Variants in MYO5A observed in about 807,000 individuals in gnomAD.
MYO5A encodes the protein myosin VA.
In MYO5A, 98 loss-of-function variants were observed where a neutral mutation model predicts 249.7. The ratio of observed to expected loss-of-function variants is 0.39; its 90% CI spans 0.33 to 0.46. The LOEUF (loss-of-function observed/expected upper bound fraction) is 0.46. MYO5A is among the 20% of genes least tolerant of loss of function. The probability of loss-of-function intolerance (pLI) is 0.98; values close to 1 mark genes in which losing one functional copy is unlikely to be tolerated. For synonymous variants in MYO5A, 778 were observed against 810.6 expected, an observed-to-expected ratio of 0.96 and a Z score of 0.68; for missense variants, 1,696 against 2,308.8, an observed-to-expected ratio of 0.73 and a Z score of 5.44.
intron 39 of MYO5A, among the ~76,000 whole-genome samples, chr15:52,317,686 A>T (rs1244276441): frequency 6.6e-6 from 1 of 152,188 alleles, no homozygotes; most frequent in Non-Finnish European, 1.5e-5. Flanking sequence ...CCCCACATAT[A>T]CCTGTGCTGA....
rs140656591 is a variant in MYO5A at position 52,414,771 on chromosome 15, C to G, written c.612+1374G>C. On this transcript the variant is annotated intron_variant, in intron 5 of 41. Transcript: ENST00000399233. ...TTGTTTTCTGACCCCAAACCAAAAA[C>G]TGGCTCCACAGATTCTATTTCCCCA... 6.0e-3 allele frequency among the ~76,000 whole-genome samples: 916 copies of G among 152,292 alleles called. 14 individuals carry two copies. The highest frequency in any genetic ancestry group is 0.021 in the African/African-American group (879 of 41,558).
At chr15:52,405,208 C>T in intron 9 of MYO5A, 79 bp downstream of exon 9, 1 of 1,019,034 alleles carries the variant, frequency 9.8e-7, no homozygotes, top group East Asian at 2.5e-5. Context: ...GAGACTTAAA[C>T]TATATTGCTT....
Position 52,324,943 on chromosome 15 carries a change from T to C in MYO5A, c.4711-1499A>G, listed in dbSNP as rs79882642. On this transcript the variant is annotated intron_variant, in intron 36 of 41. Transcript: ENST00000399233. ...TAAATATCTGAAAGACCTAGGTATA[T>C]AGTCTTCCAATGTAGGAGGATTGTG... 5.1e-3 allele frequency among the ~76,000 whole-genome samples: 779 copies of C among 152,324 alleles called. 9 individuals are homozygous for C. The highest frequency in any genetic ancestry group is 4.8e-3 in the Non-Finnish European group (328 of 68,022).
intron 1 of MYO5A, among the ~76,000 whole-genome samples, chr15:52,478,758 G>C (rs558248022): frequency 8.5e-5 from 13 of 152,174 alleles, no homozygotes; most frequent in Non-Finnish European, 1.6e-4. Context: ...ATGTACTGGA[G>C]AGACAAACTG....
Position 52,317,151 on chromosome 15 carries a change from A to T in MYO5A, c.5306T>A (p.Leu1769Gln). The T allele has an allele frequency of 6.2e-7, 1 of 1,614,124 alleles. No homozygotes were observed. The highest frequency in any genetic ancestry group is 8.5e-7 in the Non-Finnish European group (1 of 1,179,964). Residue 1769 changes from leucine to glutamine, a missense_variant, in exon 40 of 42, where the codon CTG becomes CAG. By Grantham distance (113) the Leu-to-Gln change is moderately radical. This residue lies in a region of MYO5A where 625 missense variants were observed against 908.1 expected (regional missense o/e 0.69). Transcript: ENST00000399233. ...TTGAGCAGCCTGAATGAGAGGTTCC[A>T]GGGTTTCTTTAGCCCCACTATTCAT... ...NLMNSGAKET[L>Q]EPLIQAAQLL...
chr15:52,396,939 C>A (rs1395861353), intron 10 of MYO5A, among the ~76,000 whole-genome samples: 2 of 152,120 alleles, frequency 1.3e-5, no homozygotes, highest in East Asian at 3.8e-4. Context: ...TGATAATTTA[C>A]CACATGAGCA....
chr15:52,371,062 G>A (rs181368591), intron 21 of MYO5A, among the ~76,000 whole-genome samples: 1 of 151,830 alleles, frequency 6.6e-6, no homozygotes, highest in Non-Finnish European at 1.5e-5. Context: ...GTAGTGAGCC[G>A]TGATTGCACT....
intron 34 of MYO5A, among the ~76,000 whole-genome samples, chr15:52,333,326 A>G (rs777753659): frequency 1.3e-4 from 20 of 152,216 alleles, no homozygotes; most frequent in Non-Finnish European, 2.9e-4. Flanking sequence ...AGAAAATTGG[A>G]AAGTTTTAAA....
intron 2 of MYO5A, among the ~76,000 whole-genome samples, chr15:52,429,853 C>A (rs2075487519): frequency 1.3e-5 from 2 of 152,196 alleles, no homozygotes; most frequent in South Asian, 4.1e-4. Context: ...GATCCTCCTG[C>A]ATTGGCCTCC....
intron 28 of MYO5A, among the ~76,000 whole-genome samples, chr15:52,350,810 C>T (rs957375814): frequency 1.3e-5 from 2 of 152,218 alleles, no homozygotes; most frequent in Admixed American, 6.5e-5. Context: ...CAGAAATCAT[C>T]TCCATGTAAC....
At chr15:52,447,914 G>A (rs67399033) in intron 1 of MYO5A, among the ~76,000 whole-genome samples, 22,718 of 152,242 alleles carry the variant, frequency 0.15, 1,824 homozygotes, top group Middle Eastern at 0.22. Flanking sequence ...GAAGATGTAC[G>A]GAAAAGCCTG....
intron 1 of MYO5A, among the ~76,000 whole-genome samples, chr15:52,516,491 T>C (rs1233472689): frequency 1.3e-5 from 2 of 152,042 alleles, no homozygotes; most frequent in Non-Finnish European, 2.9e-5. Context: ...TTCAACTCAG[T>C]TTCCTATGCC....
At chr15:52,491,392 T>C (rs1300101135) in intron 1 of MYO5A, among the ~76,000 whole-genome samples, 2 of 152,214 alleles carry the variant, frequency 1.3e-5, no homozygotes, top group Admixed American at 1.3e-4. Flanking sequence ...TGTTTTCTAT[T>C]AATATTTTGT....
At chr15:52,458,870 T>C (rs1230069327) in intron 1 of MYO5A, among the ~76,000 whole-genome samples, 2 of 152,160 alleles carry the variant, frequency 1.3e-5, no homozygotes, top group African/African-American at 4.8e-5. Flanking sequence ...ATTAGAAATT[T>C]GAAAATATTG....
intron 1 of MYO5A, among the ~76,000 whole-genome samples, chr15:52,489,966 A>G (rs947828752): frequency 6.6e-6 from 1 of 152,260 alleles, no homozygotes; most frequent in African/African-American, 2.4e-5. Context: ...ACATGAAAAG[A>G]TGCTGAACAT....
intron 1 of MYO5A, chr15:52,505,504 T>G: frequency 7.5e-7 from 1 of 1,326,828 alleles, no homozygotes; most frequent in East Asian, 2.3e-5. Context: ...TCTCTCTGGA[T>G]CTGATGATGA....
At chr15:52,348,794 A>AC in intron 29 of MYO5A, 24 bp downstream of exon 29, 1 of 1,046,596 alleles carries the variant, frequency 9.6e-7, no homozygotes, top group Non-Finnish European at 1.2e-6. Context: ...AGTATTTACT[A>AC]AAAAAAAAAA....
chr15:52,509,518 A>C (rs2077347933), intron 1 of MYO5A, among the ~76,000 whole-genome samples: 1 of 152,242 alleles, frequency 6.6e-6, no homozygotes, highest in African/African-American at 2.4e-5. Context: ...AGTGATGGGA[A>C]CATATAAGCC....
At chr15:52,497,428 A>AATAG (rs2077060541) in intron 1 of MYO5A, among the ~76,000 whole-genome samples, 1 of 149,736 alleles carries the variant, frequency 6.7e-6, no homozygotes, top group Non-Finnish European at 1.5e-5. Flanking sequence ...TAAATAGATA[A>AATAG]ATAAATAAAT....
Sources: gnomAD v4.1 joint callset for allele counts (sites outside exome capture counted in the v4.1 genomes callset) on GRCh38, gnomAD v4.1.1 for gene constraint, gnomAD v4.1.1 regional missense constraint, MANE v1.5 for transcripts, NCBI Gene and HGNC (gene_info 2026-07-23, HGNC 2026-07-21) for gene names.